The following RAB11FIP4 variants were observed in gnomAD, a reference collection of about 807,000 sequenced individuals.
RAB11FIP4 encodes the protein rab11 family-interacting protein 4.
Under a neutral mutation model 74.3 loss-of-function variants are expected in RAB11FIP4, and 23 were observed. The ratio of observed to expected loss-of-function variants is 0.31; its 90% confidence interval spans 0.22 to 0.44. The LOEUF (loss-of-function observed/expected upper bound fraction) is 0.44. Among genes scored for constraint, RAB11FIP4 ranks in the 20% least tolerant of loss-of-function variants. RAB11FIP4 has a pLI of 1.00. For missense variants in RAB11FIP4, 630 were observed against 863.9 expected, an observed-to-expected ratio of 0.73 and a Z score of 3.39; for synonymous variants, 360 against 359.9, an observed-to-expected ratio of 1.00 and a Z score of 0.00.
intron 3 of RAB11FIP4, among the ~76,000 whole-genome samples, chr17:31,463,802 ACTTTTTT>A (rs1185360671): frequency 7.0e-5 from 1 of 14,214 alleles, no homozygotes; most frequent in African/African-American, 1.5e-4. Context: ...CTGCGCCTGG[ACTTTTTT>A]TTTTTTTTTT....
chr17:31,488,603 C>A (rs2071947841), intron 3 of RAB11FIP4, among the ~76,000 whole-genome samples: 1 of 152,242 alleles, frequency 6.6e-6, no homozygotes, highest in Non-Finnish European at 1.5e-5. Flanking sequence ...GTACCCAGCG[C>A]CGTACCCTTG....
intron 3 of RAB11FIP4, among the ~76,000 whole-genome samples, chr17:31,489,086 T>G (rs1388879486): frequency 6.6e-6 from 1 of 152,238 alleles, no homozygotes; most frequent in East Asian, 1.9e-4. Context: ...CAGTTTTCCT[T>G]GACTGACCGA....
At chr17:31,458,176 CCAGTTGCCT>C (rs1434503554) in intron 3 of RAB11FIP4, among the ~76,000 whole-genome samples, 4 of 152,216 alleles carry the variant, frequency 2.6e-5, no homozygotes, top group Non-Finnish European at 4.4e-5. Context: ...TGCATCTGAT[CCAGTTGCCT>C]CAGAATGCGG....
intron 2 of RAB11FIP4, among the ~76,000 whole-genome samples, 158 bp downstream of exon 2, chr17:31,432,058 A>G (rs1282794834): frequency 6.6e-6 from 1 of 152,158 alleles, no homozygotes; most frequent in Non-Finnish European, 1.5e-5. Context: ...CGGGGGGGCC[A>G]GAGGAGAAGG....
chr17:31,505,504 T>TGTAA (rs2072309901), intron 3 of RAB11FIP4, among the ~76,000 whole-genome samples: 1 of 64,824 alleles, frequency 1.5e-5, no homozygotes, highest in Non-Finnish European at 3.1e-5. Flanking sequence ...AATTATTATA[T>TGTAA]TATATATAAT....
chr17:31,528,575 C>A (rs2072810807), intron 12 of RAB11FIP4, 32 bp downstream of exon 12: 1 of 1,613,352 alleles, frequency 6.2e-7, no homozygotes. Flanking sequence ...ACCAGGGCTC[C>A]TTCCAGCATC....
intron 3 of RAB11FIP4, chr17:31,448,577 A>G (rs1194446429): frequency 6.6e-6 from 1 of 151,948 alleles, no homozygotes; most frequent in Non-Finnish European, 1.5e-5. Flanking sequence ...TTTAGTAACA[A>G]AACAGGTCTT....
intron 1 of RAB11FIP4, among the ~76,000 whole-genome samples, chr17:31,398,351 C>G (rs140632846): frequency 4.1e-4 from 62 of 152,154 alleles, no homozygotes; most frequent in African/African-American, 1.5e-3. Flanking sequence ...GTCAGACACT[C>G]TTGACGAAGC....
intron 3 of RAB11FIP4, among the ~76,000 whole-genome samples, chr17:31,471,979 A>G (rs1309585624): frequency 6.6e-6 from 1 of 151,950 alleles, no homozygotes; most frequent in East Asian, 1.9e-4. Context: ...CGGCCAACAT[A>G]GTGAAACCCC....
chr17:31,409,374 A>G (rs543427361), intron 1 of RAB11FIP4, among the ~76,000 whole-genome samples: 11 of 152,266 alleles, frequency 7.2e-5, no homozygotes, highest in Admixed American at 3.3e-4. Flanking sequence ...AAATGTTTCA[A>G]CGATGCTTGC....
chr17:31,525,252 C>T, intron 10 of RAB11FIP4, 22 bp downstream of exon 10: 7 of 1,534,598 alleles, frequency 4.6e-6, no homozygotes, highest in Non-Finnish European at 6.1e-6. Context: ...CACCGAGCCC[C>T]CTCCCTCAGA....
chr17:31,493,661 A>G (rs2072056815), intron 3 of RAB11FIP4, among the ~76,000 whole-genome samples: 1 of 152,120 alleles, frequency 6.6e-6, no homozygotes, highest in South Asian at 2.1e-4. Flanking sequence ...TTCCTTAAGG[A>G]GAAAAAATGG....
In RAB11FIP4 at chr17:31,523,497, C is replaced by A; in HGVS notation, c.930-15C>A. ...AAGGCCCCTGCAGCCAGACACCCTC[C>A]TCCCACCCCTGCAGGCAGCTCATGC... is the stretch of plus-strand genomic sequence containing the variant. On this transcript the variant is annotated splice_polypyrimidine_tract_variant and intron_variant, in intron 7 of 14. Coordinates refer to ENST00000621161, the MANE Select transcript of RAB11FIP4 (RefSeq NM_032932.6). The A allele has an allele frequency of 6.2e-7, 1 of 1,611,560 alleles. No individual in the cohort carries two copies. The highest frequency in any genetic ancestry group is 1.6e-4 in the Middle Eastern group (1 of 6,062).
In RAB11FIP4 at chr17:31,522,297, G is replaced by T. The variant is rs1448534740; in HGVS notation, c.894-63G>T. 3 of 1,548,706 alleles carry T rather than the reference G, an allele frequency of 1.9e-6. No homozygotes were observed. In the African/African-American group the frequency reaches 4.1e-5, roughly 21 times the overall value. Reference sequence around the variant, plus strand: ...CCTGCACTGTGGTGTCTTACAGCTAGGACAGAGTAAGGGAGTGGACTAGAA... The same window carrying T: ...CCTGCACTGTGGTGTCTTACAGCTATGACAGAGTAAGGGAGTGGACTAGAA... On this transcript the variant is annotated intron_variant, in intron 6 of 14. Transcript: ENST00000621161.
At chr17:31,469,217 C>T (rs1475397763) in intron 3 of RAB11FIP4, among the ~76,000 whole-genome samples, 1 of 152,184 alleles carries the variant, frequency 6.6e-6, no homozygotes, top group East Asian at 1.9e-4. Context: ...GGGCCAGGGG[C>T]TGTTCTGAGC....
intron 1 of RAB11FIP4, among the ~76,000 whole-genome samples, chr17:31,396,175 C>A (rs2070927232): frequency 8.0e-6 from 1 of 124,514 alleles, no homozygotes; most frequent in African/African-American, 3.0e-5. Context: ...CAGAGTGAGA[C>A]CCTGCCACAA....
At chr17:31,447,651 T>C (rs2071480067) in intron 3 of RAB11FIP4, among the ~76,000 whole-genome samples, 1 of 151,990 alleles carries the variant, frequency 6.6e-6, no homozygotes, top group South Asian at 2.1e-4. Context: ...GCCTCCCAAG[T>C]AGCTGGGATT....
At chr17:31,492,178 C>G (rs1421019301) in intron 3 of RAB11FIP4, among the ~76,000 whole-genome samples, 2 of 152,196 alleles carry the variant, frequency 1.3e-5, no homozygotes, top group African/African-American at 4.8e-5. Context: ...CTTGTCTGAT[C>G]CTCAAGGGTT....
intron 3 of RAB11FIP4, among the ~76,000 whole-genome samples, chr17:31,483,635 C>T (rs933624134): frequency 5.9e-5 from 9 of 152,184 alleles, no homozygotes; most frequent in African/African-American, 2.2e-4. Flanking sequence ...CCAACAAACT[C>T]AGTTTGAGAA....
Sources: allele counts gnomAD v4.1 joint callset (sites outside exome capture counted in the v4.1 genomes callset), GRCh38; gene constraint gnomAD v4.1.1; transcripts MANE v1.5; gene names NCBI Gene and HGNC (gene_info 2026-07-23, HGNC 2026-07-21).